SPATA16: variants seen among roughly 807,000 people sequenced by gnomAD.
SPATA16 encodes the protein spermatogenesis-associated protein 16.
In SPATA16, 36 loss-of-function variants were observed where a neutral mutation model predicts 63.3. The ratio of observed to expected loss-of-function variants is 0.57; its 90% CI spans 0.44 to 0.75. SPATA16 has a LOEUF of 0.75. Ranked by LOEUF, SPATA16 falls within the 30% of genes least tolerant of loss-of-function variation. The pLI is 0.00. For synonymous variants in SPATA16, 203 were observed against 216.7 expected (o/e 0.94, Z 0.56); for missense variants, 646 against 679.3 (o/e 0.95, Z 0.54).
intron 5 of SPATA16, among the ~76,000 whole-genome samples, chr3:172,970,110 TA>T (rs1270464384): frequency 6.6e-6 from 1 of 152,160 alleles, no homozygotes; most frequent in Non-Finnish European, 1.5e-5. Context: ...AGCTGGCTAA[TA>T]AAAAATTGCA....
chr3:173,100,025 CAATT>C (rs1345321943), intron 2 of SPATA16, among the ~76,000 whole-genome samples: 1 of 152,146 alleles, frequency 6.6e-6, no homozygotes, highest in Non-Finnish European at 1.5e-5. Context: ...AACTGTGCCT[CAATT>C]AATCAGCCCA....
At chr3:173,111,507 GACAGCTCAGGC>G (rs1347720238) in intron 2 of SPATA16, among the ~76,000 whole-genome samples, 10 of 152,302 alleles carry the variant, frequency 6.6e-5, no homozygotes, top group African/African-American at 2.4e-4. Context: ...ATTGCAATGA[GACAGCTCAGGC>G]ACTCAGAGAA....
intron 1 of SPATA16, among the ~76,000 whole-genome samples, chr3:173,120,899 C>A (rs1401615922): frequency 6.6e-6 from 1 of 151,466 alleles, no homozygotes; most frequent in African/African-American, 2.4e-5. Context: ...CTATAGAAAT[C>A]ATCATTTTGG....
At chr3:173,062,795 T>C (rs1005615756) in intron 2 of SPATA16, among the ~76,000 whole-genome samples, 4 of 152,202 alleles carry the variant, frequency 2.6e-5, no homozygotes, top group Admixed American at 2.0e-4. Flanking sequence ...GGAGGGTGGA[T>C]GGTTTCGTGA....
chr3:173,139,854 G>A (rs767857703), intron 1 of SPATA16, among the ~76,000 whole-genome samples: 3 of 152,084 alleles, frequency 2.0e-5, no homozygotes, highest in African/African-American at 7.2e-5. Flanking sequence ...GTGTGGTGGC[G>A]TGTGCTTGTA....
At chr3:173,000,312 C>T (rs1251485484) in intron 4 of SPATA16, among the ~76,000 whole-genome samples, 1 of 152,074 alleles carries the variant, frequency 6.6e-6, no homozygotes, top group African/African-American at 2.4e-5. Flanking sequence ...TATAAAGTGC[C>T]CAGTCTAATG....
chr3:173,123,013 GGAAA>G (rs1439129744), intron 1 of SPATA16, among the ~76,000 whole-genome samples: 23 of 152,278 alleles, frequency 1.5e-4, no homozygotes, highest in African/African-American at 5.1e-4. Flanking sequence ...AAGATATTTG[GGAAA>G]GATTTTGAGA....
intron 2 of SPATA16, among the ~76,000 whole-genome samples, chr3:173,067,514 A>G (rs756732475): frequency 2.2e-4 from 33 of 152,190 alleles, no homozygotes; most frequent in Non-Finnish European, 3.8e-4. Flanking sequence ...CATGGGTGAC[A>G]AAGTTATTTG....
intron 2 of SPATA16, among the ~76,000 whole-genome samples, chr3:173,072,027 C>A (rs1736686417): frequency 6.6e-6 from 1 of 152,138 alleles, no homozygotes; most frequent in Non-Finnish European, 1.5e-5. Flanking sequence ...TAATTTAAAA[C>A]AGAACTACCA....
chr3:172,961,107 T>TTCCC (rs1472912586), intron 5 of SPATA16, among the ~76,000 whole-genome samples: 3 of 149,956 alleles, frequency 2.0e-5, no homozygotes, highest in Non-Finnish European at 4.4e-5. Context: ...CCTTCCTTCC[T>TTCCC]TCCTTCCTTC....
At chr3:173,109,748 T>C (rs1302903996) in intron 2 of SPATA16, among the ~76,000 whole-genome samples, 1 of 152,110 alleles carries the variant, frequency 6.6e-6, no homozygotes. Context: ...TACCCTAAAA[T>C]GTAAATGAAG....
chr3:173,068,812 TTAGTAAAAAAAAA>T (rs1736588889), intron 2 of SPATA16, among the ~76,000 whole-genome samples: 4 of 117,028 alleles, frequency 3.4e-5, no homozygotes, highest in Admixed American at 3.2e-4. Context: ...AAACCCCAAA[TTAGTAAAAAAAAA>T]AAAGGCCGGG....
chr3:172,915,516 T>G (rs73882529), intron 9 of SPATA16, among the ~76,000 whole-genome samples: 9 of 151,688 alleles, frequency 5.9e-5, no homozygotes, highest in Non-Finnish European at 1.0e-4. Flanking sequence ...CAATTAAAGC[T>G]TCTAAGTAAA....
At chr3:172,934,947 T>G (rs1235827848) in intron 6 of SPATA16, among the ~76,000 whole-genome samples, 1 of 152,196 alleles carries the variant, frequency 6.6e-6, no homozygotes, top group East Asian at 1.9e-4. Flanking sequence ...TAACTGTTTT[T>G]GACCACTATT....
intron 3 of SPATA16, among the ~76,000 whole-genome samples, chr3:173,039,752 A>C (rs900994125): frequency 3.3e-5 from 5 of 152,138 alleles, no homozygotes; most frequent in Admixed American, 2.0e-4. Flanking sequence ...AGAAGATAAA[A>C]TGTCTGGGTG....
intron 4 of SPATA16, among the ~76,000 whole-genome samples, chr3:172,985,529 A>G (rs1734432520): frequency 6.6e-6 from 1 of 152,210 alleles, no homozygotes; most frequent in Non-Finnish European, 1.5e-5. Flanking sequence ...CAGGCATTTT[A>G]TATCCACAAA....
chr3:173,091,531 A>C (rs1055497479), intron 2 of SPATA16, among the ~76,000 whole-genome samples: 3 of 152,064 alleles, frequency 2.0e-5, no homozygotes, highest in Non-Finnish European at 4.4e-5. Context: ...TTGTTTCCTC[A>C]TTGTAAAGTG....
At chr3:172,893,917 A>T (rs1361248324) in intron 10 of SPATA16, among the ~76,000 whole-genome samples, 1 of 152,238 alleles carries the variant, frequency 6.6e-6, no homozygotes, top group Non-Finnish European at 1.5e-5. Flanking sequence ...GCGCATGTTC[A>T]TGCCTTAGGA....
intron 2 of SPATA16, among the ~76,000 whole-genome samples, chr3:173,097,684 G>A (rs1013412814): frequency 2.6e-5 from 4 of 152,178 alleles, no homozygotes; most frequent in Non-Finnish European, 5.9e-5. Context: ...TTTACTGCAC[G>A]TAAGGGATGG....
Sources: allele counts gnomAD v4.1 joint callset (sites outside exome capture counted in the v4.1 genomes callset), GRCh38; gene constraint gnomAD v4.1.1; transcripts MANE v1.5; gene names NCBI Gene and HGNC (gene_info 2026-07-23, HGNC 2026-07-21).